PPM1H: variants seen among roughly 807,000 people sequenced by gnomAD.
PPM1H encodes protein phosphatase, Mg2+/Mn2+ dependent 1H, also known as protein phosphatase 1H.
PPM1H carries 27 observed loss-of-function variants against 54.9 expected under a neutral mutation model. The ratio of observed to expected loss-of-function variants is 0.49; its 90% CI spans 0.36 to 0.68. PPM1H has a LOEUF of 0.68. Among genes scored for constraint, PPM1H ranks in the 30% least tolerant of loss-of-function variants. PPM1H has a pLI of 0.00. For synonymous variants in PPM1H, 305 were observed against 270.8 expected, an observed-to-expected ratio of 1.13 and a Z score of -1.24; for missense variants, 596 against 667.8, an observed-to-expected ratio of 0.89 and a Z score of 1.19.
intron 1 of PPM1H, among the ~76,000 whole-genome samples, chr12:62,851,589 G>C (rs1396297456): frequency 1.3e-5 from 2 of 152,070 alleles, no homozygotes; most frequent in African/African-American, 4.8e-5. Flanking sequence ...TGTAATCCCA[G>C]CTACTTGGGA....
chr12:62,763,172 T>C (rs1273507348), intron 4 of PPM1H, among the ~76,000 whole-genome samples: 1 of 152,172 alleles, frequency 6.6e-6, no homozygotes, highest in Non-Finnish European at 1.5e-5. Context: ...GGTCTGTGAA[T>C]CCATCCAAGG....
rs561362002 is a variant in PPM1H at position 62,899,357 on chromosome 12, G to C, written c.245+35135C>G. 9.9e-4 allele frequency among the ~76,000 whole-genome samples: 151 copies of C among 152,170 alleles called. 2 individuals are homozygous for C. The highest frequency in any genetic ancestry group is 3.3e-3 in the African/African-American group (138 of 41,514). On this transcript the variant is annotated intron_variant, in intron 1 of 9. Coordinates refer to ENST00000228705, the MANE Select transcript of PPM1H (RefSeq NM_020700.2). ...AGGCCAAGGTGGGAGGACCACTTGA[G>C]GCCAGGAGTTTGAGATCAGCCTAGG...
chr12:62,665,296 G>T (rs1447635394), intron 9 of PPM1H, among the ~76,000 whole-genome samples: 1 of 152,030 alleles, frequency 6.6e-6, no homozygotes, highest in Non-Finnish European at 1.5e-5. Flanking sequence ...TGATCTGCCC[G>T]CCTCCACCTC....
intron 4 of PPM1H, among the ~76,000 whole-genome samples, chr12:62,763,903 G>A (rs139251888): frequency 6.6e-6 from 1 of 152,114 alleles, no homozygotes; most frequent in African/African-American, 2.4e-5. Flanking sequence ...TTGAACATGT[G>A]GGGTGAGCTT....
intron 1 of PPM1H, among the ~76,000 whole-genome samples, chr12:62,890,401 T>G (rs538778115): frequency 2.0e-5 from 3 of 152,284 alleles, no homozygotes; most frequent in South Asian, 4.1e-4. Flanking sequence ...AAGACTGCAG[T>G]GAACAATGAT....
At chr12:62,820,911 G>A (rs1024305931) in intron 2 of PPM1H, among the ~76,000 whole-genome samples, 4 of 152,220 alleles carry the variant, frequency 2.6e-5, no homozygotes, top group Non-Finnish European at 5.9e-5. Flanking sequence ...AAGCTGGATG[G>A]AGAATGACTT....
intron 4 of PPM1H, among the ~76,000 whole-genome samples, chr12:62,760,914 G>A (rs74098829): frequency 0.082 from 12,466 of 152,186 alleles, 1,097 homozygotes; most frequent in African/African-American, 0.22. Context: ...ACTCTGCTCC[G>A]GGAAAAACCT....
intron 2 of PPM1H, among the ~76,000 whole-genome samples, chr12:62,812,991 A>C (rs2076843931): frequency 6.6e-6 from 1 of 151,938 alleles, no homozygotes; most frequent in Non-Finnish European, 1.5e-5. Context: ...CTACTCGAAC[A>C]GGAGCTACAT....
At chr12:62,679,983 C>G (rs2076009849) in intron 8 of PPM1H, among the ~76,000 whole-genome samples, 1 of 152,222 alleles carries the variant, frequency 6.6e-6, no homozygotes, top group Non-Finnish European at 1.5e-5. Flanking sequence ...GGCTGTGATA[C>G]AGTGTCTGTC....
At chr12:62,739,043 A>G (rs1229412208) in intron 4 of PPM1H, among the ~76,000 whole-genome samples, 1 of 151,920 alleles carries the variant, frequency 6.6e-6, no homozygotes, top group East Asian at 1.9e-4. Context: ...AGTGATGACA[A>G]AAATCTTAGG....
chr12:62,667,453 AG>A, intron 8 of PPM1H, 124 bp from the exon 9 acceptor site: 1 of 863,428 alleles, frequency 1.2e-6, no homozygotes, highest in South Asian at 1.8e-5. Flanking sequence ...TATGCATTGT[AG>A]GGTACTTGAT....
intron 8 of PPM1H, among the ~76,000 whole-genome samples, chr12:62,673,574 T>C (rs1177863991): frequency 6.6e-6 from 1 of 152,084 alleles, no homozygotes; most frequent in African/African-American, 2.4e-5. Flanking sequence ...GGTTTTTCCC[T>C]TTTAAGTACT....
At chr12:62,921,590 G>A (rs767328040) in intron 1 of PPM1H, among the ~76,000 whole-genome samples, 61 of 152,126 alleles carry the variant, frequency 4.0e-4, no homozygotes, top group Non-Finnish European at 7.5e-4. Flanking sequence ...ACACTTTTTG[G>A]CCCCAAAGTT....
intron 9 of PPM1H, among the ~76,000 whole-genome samples, chr12:62,663,347 T>G (rs1345493839): frequency 1.4e-5 from 2 of 147,732 alleles, no homozygotes; most frequent in Admixed American, 6.8e-5. Flanking sequence ...AAAAAAAAAT[T>G]TATAAAATAT....
rs114627725 is a variant in PPM1H, at chr12:62,727,284, G to C, written c.955-6995C>G. Among the ~76,000 whole-genome samples, 571 of 152,222 alleles carry C rather than the reference G, an allele frequency of 3.8e-3. 4 individuals are homozygous for C. The highest frequency in any genetic ancestry group is 0.013 in the African/African-American group (534 of 41,538). Reference sequence around the variant, plus strand: ...CCAACATAGTAAAGGTGCTGAGTAAGTATTTGCTAAAAGAATGAATACAGG... The same window carrying C: ...CCAACATAGTAAAGGTGCTGAGTAACTATTTGCTAAAAGAATGAATACAGG... On this transcript the variant is annotated intron_variant, in intron 5 of 9. Coordinates refer to ENST00000228705, the MANE Select transcript of PPM1H (RefSeq NM_020700.2).
At position 62,647,840 on chromosome 12, in the gene PPM1H, G is replaced by A. The variant is rs2075794441; in HGVS notation, c.*649C>T. 1 of 149,022 alleles carries A rather than the reference G, an allele frequency of 6.7e-6. No individual in the cohort carries two copies. Among genetic ancestry groups the A allele is most frequent in the African/African-American group, 2.5e-5 (1 of 40,168 alleles). 9.2% of individuals were successfully genotyped at this position (149,022 alleles called of 1,614,324 possible). ...GGACACAGAACTTCCTTAGCAGGGTGTTGGAAAGTCCCAGGCCTGTTCTGT... is the reference window on the plus strand; with the variant it reads ...GGACACAGAACTTCCTTAGCAGGGTATTGGAAAGTCCCAGGCCTGTTCTGT... On this transcript the variant is annotated 3_prime_UTR_variant, in exon 10 of 10. Coordinates refer to ENST00000228705, the MANE Select transcript of PPM1H (RefSeq NM_020700.2).
chr12:62,680,701 G>A (rs1417867699), intron 8 of PPM1H, among the ~76,000 whole-genome samples: 1 of 152,158 alleles, frequency 6.6e-6, no homozygotes, highest in Non-Finnish European at 1.5e-5. Context: ...GGCCATGTGA[G>A]AGGTCCTAAG....
chr12:62,885,292 T>A (rs1186884746), intron 1 of PPM1H, among the ~76,000 whole-genome samples: 2 of 152,146 alleles, frequency 1.3e-5, no homozygotes, highest in Non-Finnish European at 2.9e-5. Flanking sequence ...GTTTTCTTGT[T>A]GGCTATTGGT....
chr12:62,755,372 A>C, intron 4 of PPM1H: 1 of 842,742 alleles, frequency 1.2e-6, no homozygotes, highest in East Asian at 2.5e-5. Flanking sequence ...TTCCAGTATG[A>C]TTTTGTCTGT....
Sources: allele counts gnomAD v4.1 joint callset (sites outside exome capture counted in the v4.1 genomes callset), GRCh38; gene constraint gnomAD v4.1.1; transcripts MANE v1.5; gene names NCBI Gene and HGNC (gene_info 2026-07-23, HGNC 2026-07-21).